EPHB2: variants seen among roughly 807,000 people sequenced by gnomAD.
The protein encoded by EPHB2 is EPH receptor B2, also known as ephrin type-B receptor 2.
Under a neutral mutation model 96.4 loss-of-function variants are expected in EPHB2, and 18 were observed. The observed-to-expected ratio is 0.19, with a 90% CI of 0.13 to 0.28. The LOEUF (loss-of-function observed/expected upper bound fraction) is 0.28, where lower values mean the gene tolerates loss of function less well. EPHB2 is among the 10% of genes least tolerant of loss of function. The pLI is 1.00. For synonymous variants in EPHB2, 506 were observed against 534.1 expected, an observed-to-expected ratio of 0.95 and a Z score of 0.72; for missense variants, 989 against 1,355.4, an observed-to-expected ratio of 0.73 and a Z score of 4.25.
At chr1:22,912,745 G>A (rs1640150011) in intron 15 of EPHB2, 146 bp downstream of exon 15, 1 of 1,203,062 alleles carries the variant, frequency 8.3e-7, no homozygotes, top group South Asian at 1.3e-5. Flanking sequence ...CAACTTTGGA[G>A]TCACCTGTGG....
chr1:22,747,687 G>A (rs1000300866), intron 1 of EPHB2, among the ~76,000 whole-genome samples: 4 of 152,360 alleles, frequency 2.6e-5, no homozygotes, highest in Admixed American at 6.5e-5. Flanking sequence ...GCAGGCAAGC[G>A]AGCCGTCGGG....
intron 3 of EPHB2, among the ~76,000 whole-genome samples, chr1:22,853,640 A>G (rs1645657060): frequency 6.6e-6 from 1 of 152,236 alleles, no homozygotes; most frequent in South Asian, 2.1e-4. Flanking sequence ...ACAGCATATG[A>G]GGCAGAGGGA....
In EPHB2 at chr1:22,913,098, C is replaced by T; in HGVS notation, c.2853-364C>T. On this transcript the variant is annotated intron_variant, in intron 15 of 15. Coordinates refer to ENST00000374630, the MANE Select transcript of EPHB2 (RefSeq NM_017449.5). The surrounding 1 kb of genome is among the most constrained non-coding windows in gnomAD (Gnocchi z 4.1). ...ATGCCAGCTACTCGGGAGGCTGAGGCAGGGGAATTGCTTGAACCAAGGAGG... is the reference window on the plus strand; with the variant it reads ...ATGCCAGCTACTCGGGAGGCTGAGGTAGGGGAATTGCTTGAACCAAGGAGG... 2.7e-6 allele frequency: 1 copy of T among 370,548 alleles called. No individual in the cohort carries two copies. The highest frequency in any genetic ancestry group is 5.2e-6 in the Non-Finnish European group (1 of 193,290). The allele number at this position is 370,548 out of a possible 1,614,324, so 23.0% of individuals were successfully genotyped here.
chr1:22,782,971 C>T (rs979763525), intron 2 of EPHB2, among the ~76,000 whole-genome samples: 21 of 152,168 alleles, frequency 1.4e-4, no homozygotes, highest in Non-Finnish European at 2.9e-4. Context: ...ATAAAGGACA[C>T]CCACTTGAGG....
At chr1:22,907,904 T>C (rs1349147292) in intron 11 of EPHB2, 49 bp from the exon 12 acceptor site, 1 of 1,602,028 alleles carries the variant, frequency 6.2e-7, no homozygotes, top group African/African-American at 1.3e-5. Flanking sequence ...TGCAGAGCTC[T>C]GATGCCTGCT....
At chr1:22,861,040 A>G (rs1447264995) in intron 3 of EPHB2, among the ~76,000 whole-genome samples, 1 of 152,264 alleles carries the variant, frequency 6.6e-6, no homozygotes, top group Non-Finnish European at 1.5e-5. Context: ...GAGAGGTCAA[A>G]TAACTTGTCT....
chr1:22,920,931 C>T lies in EPHB2; in HGVS notation c.*7361C>T, dbSNP rs538839795. 5.3e-5 allele frequency: 8 copies of T among 152,344 alleles called. No homozygotes were observed. The highest frequency in any genetic ancestry group is 1.2e-4 in the African/African-American group (5 of 41,564). 9.4% of individuals were successfully genotyped at this position (152,344 alleles called of 1,614,324 possible). ...TTCCACAGACTAGCAAACTCAGAGA[C>T]GTGACATGGTGGCTCTCCCAGGTCA... On this transcript the variant is annotated 3_prime_UTR_variant, in exon 16 of 16. Transcript: ENST00000374630.
chr1:22,760,526 T>C (rs1644221188), intron 1 of EPHB2, among the ~76,000 whole-genome samples: 1 of 152,214 alleles, frequency 6.6e-6, no homozygotes, highest in African/African-American at 2.4e-5. Context: ...GCCTCTGTCC[T>C]CAAGGAGCAG....
In EPHB2 at chr1:22,909,150, C is replaced by T. The variant is rs1570469515; in HGVS notation, c.2481C>T (p.Tyr827=). 6.2e-7 allele frequency: 1 copy of T among 1,614,104 alleles called. No homozygotes were observed. Among genetic ancestry groups the T allele is most frequent in the African/African-American group, 1.3e-5 (1 of 74,938 alleles). Residue 827 remains tyrosine (Y), a synonymous_variant, in exon 13 of 16, where the codon TAC becomes TAT. Coordinates refer to ENST00000374630, the MANE Select transcript of EPHB2 (RefSeq NM_017449.5). ...WEVMSYGERP[Y]WDMTNQDVIN... ...TGATGTCCTATGGGGAGCGGCCCTA[C>T]TGGGACATGACCAACCAGGATGTAA...
chr1:22,904,347 A>G (rs1639841502), intron 9 of EPHB2, among the ~76,000 whole-genome samples: 1 of 151,922 alleles, frequency 6.6e-6, no homozygotes, highest in African/African-American at 2.4e-5. Flanking sequence ...TCAAGGTTGG[A>G]TTTTTTGAGA....
At chr1:22,736,004 G>A (rs144846685) in intron 1 of EPHB2, among the ~76,000 whole-genome samples, 139 of 152,328 alleles carry the variant, frequency 9.1e-4, no homozygotes, top group African/African-American at 2.9e-3. Context: ...TGTGACTTTC[G>A]ATAGGCTCTT....
chr1:22,845,152 T>C (rs1645523662), intron 3 of EPHB2, among the ~76,000 whole-genome samples: 1 of 152,230 alleles, frequency 6.6e-6, no homozygotes, highest in Admixed American at 6.5e-5. Flanking sequence ...TCCAGCTCAA[T>C]TTAGATCCCT....
At chr1:22,727,822 A>C (rs1429318402) in intron 1 of EPHB2, among the ~76,000 whole-genome samples, 17 of 116,338 alleles carry the variant, frequency 1.5e-4, no homozygotes, top group South Asian at 6.0e-4. Flanking sequence ...TTTTTTTTTT[A>C]ATGGAGATGG....
chr1:22,835,230 A>G (rs567450797), intron 3 of EPHB2, among the ~76,000 whole-genome samples: 21 of 152,048 alleles, frequency 1.4e-4, no homozygotes, highest in Admixed American at 5.9e-4. Context: ...ACATACAAAA[A>G]TTAGCTGGGC....
At chr1:22,855,182 C>T (rs941365356) in intron 3 of EPHB2, among the ~76,000 whole-genome samples, 1 of 152,192 alleles carries the variant, frequency 6.6e-6, no homozygotes, top group African/African-American at 2.4e-5. Context: ...AGCTGAGGCC[C>T]AGAGTGGGCA....
intron 3 of EPHB2, among the ~76,000 whole-genome samples, chr1:22,845,151 A>G (rs866471337): frequency 6.6e-6 from 1 of 152,194 alleles, no homozygotes; most frequent in Non-Finnish European, 1.5e-5. Context: ...GTCCAGCTCA[A>G]TTTAGATCCC....
At chr1:22,892,221 A>G (rs309473) in intron 6 of EPHB2, among the ~76,000 whole-genome samples, 1 of 151,860 alleles carries the variant, frequency 6.6e-6, no homozygotes, top group Non-Finnish European at 1.5e-5. Context: ...CGCTTAACTC[A>G]TCAAGGCATA....
At chr1:22,745,956 A>G (rs1238568743) in intron 1 of EPHB2, among the ~76,000 whole-genome samples, 3 of 152,194 alleles carry the variant, frequency 2.0e-5, no homozygotes, top group Non-Finnish European at 4.4e-5. Context: ...CAGCCTGCAC[A>G]GTGGGGACGC....
At chr1:22,785,595 G>T (rs956858517) in intron 3 of EPHB2, among the ~76,000 whole-genome samples, 10 of 152,222 alleles carry the variant, frequency 6.6e-5, no homozygotes, top group Non-Finnish European at 1.5e-4. Context: ...GAGCCAAATG[G>T]ATGGAGCACC....
Sources: gnomAD v4.1 joint callset for allele counts (sites outside exome capture counted in the v4.1 genomes callset) on GRCh38, gnomAD v4.1.1 for gene constraint, Gnocchi (gnomAD v3.1) non-coding constraint, MANE v1.5 for transcripts, NCBI Gene and HGNC (gene_info 2026-07-23, HGNC 2026-07-21) for gene names.